The following PLAC8L1 variants were observed in gnomAD, a reference collection of about 807,000 sequenced individuals.
PLAC8L1 encodes the protein PLAC8-like protein 1.
Under a neutral mutation model 16.3 loss-of-function variants are expected in PLAC8L1, and 13 were observed. That is an observed-to-expected ratio of 0.80 (90% CI 0.52 to 1.27). The LOEUF is 1.27. Ranked by LOEUF, PLAC8L1 falls within the 50% of genes most tolerant of loss-of-function variation. The pLI is 0.00. For missense variants in PLAC8L1, 184 were observed against 220.2 expected, an observed-to-expected ratio of 0.84 and a Z score of 1.04; for synonymous variants, 78 against 79.3, an observed-to-expected ratio of 0.98 and a Z score of 0.09.
intron 1 of PLAC8L1, 101 bp from the exon 2 acceptor site, chr5:146,098,393 G>T: frequency 8.6e-7 from 1 of 1,165,888 alleles, no homozygotes; most frequent in Non-Finnish European, 1.2e-6. Context: ...GGGACCCAAT[G>T]ATGCCAAGGG....
At chr5:146,086,234 T>G (rs1166183555) in intron 2 of PLAC8L1, among the ~76,000 whole-genome samples, 1 of 151,736 alleles carries the variant, frequency 6.6e-6, no homozygotes, top group Non-Finnish European at 1.5e-5. Context: ...TTTCACCGTT[T>G]TAGCCGGGAT....
intron 2 of PLAC8L1, among the ~76,000 whole-genome samples, chr5:146,090,241 A>G (rs1004523543): frequency 2.0e-5 from 3 of 152,082 alleles, no homozygotes; most frequent in Non-Finnish European, 4.4e-5. Context: ...TAGAATATAT[A>G]AAGAACTCTT....
In PLAC8L1 at chr5:146,097,671, CT is replaced by C. The variant is rs553586398; in HGVS notation, c.256+484del. 7.9e-5 allele frequency among the ~76,000 whole-genome samples: 12 copies of C among 152,330 alleles called. No homozygotes were observed. In the East Asian group the frequency reaches 1.9e-3, roughly 24 times the overall value. ...ATAATAATTCATTGTGTGGATTCCT[CT>C]TGTTGAACATTTAAGTTGTTCCAGG... is the stretch of plus-strand genomic sequence containing the variant. On this transcript the variant is annotated intron_variant, in intron 2 of 3. Coordinates refer to ENST00000311450, the MANE Select transcript of PLAC8L1 (RefSeq NM_001029869.3).
intron 1 of PLAC8L1, among the ~76,000 whole-genome samples, chr5:146,101,188 C>A (rs1763810168): frequency 7.4e-6 from 1 of 134,870 alleles, no homozygotes; most frequent in African/African-American, 2.8e-5. Context: ...CAGAGCAAGA[C>A]CCTGTCTCAA....
intron 2 of PLAC8L1, among the ~76,000 whole-genome samples, chr5:146,092,976 C>A (rs1763647311): frequency 6.6e-6 from 1 of 151,754 alleles, no homozygotes; most frequent in Admixed American, 6.6e-5. Context: ...GCCAAAGGTA[C>A]TAGACAGTAT....
At chr5:146,089,468 A>G (rs1204246264) in intron 2 of PLAC8L1, among the ~76,000 whole-genome samples, 2 of 152,068 alleles carry the variant, frequency 1.3e-5, no homozygotes, top group Non-Finnish European at 2.9e-5. Flanking sequence ...TCTTATCCCC[A>G]TTTTACAGAT....
chr5:146,094,982 T>C (rs1763686620), intron 2 of PLAC8L1, among the ~76,000 whole-genome samples: 1 of 152,228 alleles, frequency 6.6e-6, no homozygotes, highest in African/African-American at 2.4e-5. Context: ...TGATTTACTC[T>C]AAATAAAACT....
chr5:146,103,685 C>G, intron 1 of PLAC8L1: 1 of 985,410 alleles, frequency 1.0e-6, no homozygotes, highest in Non-Finnish European at 1.2e-6. Flanking sequence ...GAGATACATA[C>G]TTTTCCCTCT....
At chr5:146,092,591 A>C (rs1763639946) in intron 2 of PLAC8L1, among the ~76,000 whole-genome samples, 1 of 135,148 alleles carries the variant, frequency 7.4e-6, no homozygotes, top group Non-Finnish European at 1.5e-5. Context: ...ACCCAGGCTG[A>C]AGTGCAGTAG....
chr5:146,094,584 C>T (rs1027955944), intron 2 of PLAC8L1, among the ~76,000 whole-genome samples: 1 of 152,122 alleles, frequency 6.6e-6, no homozygotes, highest in African/African-American at 2.4e-5. Context: ...GCTGGATTGC[C>T]CAGTCTTTCA....
chr5:146,091,994 A>G (rs1390841412), intron 2 of PLAC8L1, among the ~76,000 whole-genome samples: 1 of 152,120 alleles, frequency 6.6e-6, no homozygotes, highest in African/African-American at 2.4e-5. Flanking sequence ...GTAAGCACGC[A>G]CAGTATAAAT....
chr5:146,084,831 T>C (rs1320186721), intron 3 of PLAC8L1, among the ~76,000 whole-genome samples: 1 of 152,258 alleles, frequency 6.6e-6, no homozygotes, highest in African/African-American at 2.4e-5. Flanking sequence ...CTCTATCAAC[T>C]TCTTGGTTCT....
At chr5:146,089,842 G>A (rs905780308) in intron 2 of PLAC8L1, among the ~76,000 whole-genome samples, 2 of 151,308 alleles carry the variant, frequency 1.3e-5, no homozygotes, top group African/African-American at 4.9e-5. Flanking sequence ...GGGTTCAAGA[G>A]ATTCTCCTGC....
rs964368740 is a variant in PLAC8L1, at chr5:146,105,079, T to A, written c.-768A>T. 6.6e-6 allele frequency among the ~76,000 whole-genome samples: 1 copy of A among 152,162 alleles called. No homozygotes were observed. Among genetic ancestry groups the A allele is most frequent in the African/African-American group, 2.4e-5 (1 of 41,428 alleles). On this transcript the variant is annotated 5_prime_UTR_variant, in exon 1 of 4. Transcript: ENST00000311450. ...AATCATGCCTCTGGCACATGTCTTA[T>A]GGAGGTGTGGACCCTAGAAATATTA...
intron 2 of PLAC8L1, among the ~76,000 whole-genome samples, chr5:146,086,698 C>T (rs1321434031): frequency 2.0e-5 from 3 of 152,122 alleles, no homozygotes; most frequent in Admixed American, 6.5e-5. Context: ...TTCAATTTCA[C>T]GGAGTTCATG....
chr5:146,091,735 G>A (rs374917264), intron 2 of PLAC8L1, among the ~76,000 whole-genome samples: 19 of 152,120 alleles, frequency 1.2e-4, no homozygotes, highest in Non-Finnish European at 2.6e-4. Context: ...CTAGAAGTCC[G>A]CGGTTACAAT....
rs1221236250 is a variant in PLAC8L1 at position 146,105,277 on chromosome 5, A to G, written c.-966T>C. Among the ~76,000 whole-genome samples, 1 of 152,210 alleles carries G rather than the reference A, an allele frequency of 6.6e-6. No homozygotes were observed. Among genetic ancestry groups the G allele is most frequent in the Non-Finnish European group, 1.5e-5 (1 of 68,028 alleles). ...TGCTTAGGGTTCTGAACTTCAAAGC[A>G]TTTATTGAACCAGGTTGTTAGGAAA... On this transcript the variant is annotated 5_prime_UTR_variant, in exon 1 of 4. The change abolishes an upstream ATG in the 5' untranslated region. Coordinates refer to ENST00000311450, the MANE Select transcript of PLAC8L1 (RefSeq NM_001029869.3).
At chr5:146,090,311 A>G (rs1332979106) in intron 2 of PLAC8L1, among the ~76,000 whole-genome samples, 2 of 151,948 alleles carry the variant, frequency 1.3e-5, no homozygotes, top group Non-Finnish European at 2.9e-5. Flanking sequence ...AGGCGGGTGG[A>G]TCATTTGAGG....
chr5:146,084,703 GC>G, intron 3 of PLAC8L1, 131 bp from the exon 4 acceptor site: 1 of 1,166,500 alleles, frequency 8.6e-7, no homozygotes, highest in Non-Finnish European at 1.2e-6. Context: ...TTAAGCCAAT[GC>G]CCAGGGACAC....
Sources: allele counts gnomAD v4.1 joint callset (sites outside exome capture counted in the v4.1 genomes callset), GRCh38; gene constraint gnomAD v4.1.1; transcripts MANE v1.5; gene names NCBI Gene and HGNC (gene_info 2026-07-23, HGNC 2026-07-21).